The following CYP4F11 variants were observed in gnomAD, a reference collection of about 807,000 sequenced individuals.
CYP4F11 encodes cytochrome P450 family 4 subfamily F member 11, also known as cytochrome P450 4F11.
Under a neutral mutation model 62.2 loss-of-function variants are expected in CYP4F11, and 79 were observed. The ratio of observed to expected loss-of-function variants is 1.27; its 90% CI spans 1.06 to 1.53. The LOEUF (loss-of-function observed/expected upper bound fraction) is 1.53, where lower values mean the gene tolerates loss of function less well. Ranked by LOEUF, CYP4F11 falls within the 40% of genes most tolerant of loss-of-function variation. CYP4F11 has a pLI of 0.00. For synonymous variants in CYP4F11, 290 were observed against 263.7 expected (o/e 1.10, Z -0.97); for missense variants, 777 against 680.5 (o/e 1.14, Z -1.58).
intron 8 of CYP4F11, among the ~76,000 whole-genome samples, chr19:15,919,745 A>G (rs777520028): frequency 7.2e-5 from 11 of 152,196 alleles, no homozygotes; most frequent in Non-Finnish European, 1.6e-4. Flanking sequence ...CTCAGTCTTT[A>G]AAATGAAAAG....
chr19:15,925,082 G>T (rs1016797083), intron 4 of CYP4F11, among the ~76,000 whole-genome samples, 200 bp from the exon 5 acceptor site: 6 of 152,202 alleles, frequency 3.9e-5, no homozygotes, highest in Admixed American at 1.3e-4. Flanking sequence ...GGAGTCGAGA[G>T]ATCTGGGTTC....
At chr19:15,918,460 A>G (rs999653669) in intron 8 of CYP4F11, among the ~76,000 whole-genome samples, 8 of 152,172 alleles carry the variant, frequency 5.3e-5, no homozygotes, top group African/African-American at 1.9e-4. Context: ...AATAATAATA[A>G]TGTAATACTC....
intron 1 of CYP4F11, among the ~76,000 whole-genome samples, chr19:15,932,149 A>AGAATGAGTGAGTGAGGAGAG (rs2089731473): frequency 1.9e-4 from 1 of 5,276 alleles, no homozygotes; most frequent in Non-Finnish European, 3.7e-4. Flanking sequence ...AGTGAGGAGA[A>AGAATGAGTGAGTGAGGAGAG]GAATGAGTGA....
chr19:15,914,658 A>C lies in CYP4F11; in HGVS notation c.1258T>G (p.Cys420Gly). 1 of 1,614,218 alleles carries C rather than the reference A, an allele frequency of 6.2e-7. No individual in the cohort carries two copies. The highest frequency in any genetic ancestry group is 8.5e-7 in the Non-Finnish European group (1 of 1,180,042). Residue 420 changes from cysteine (C) to glycine (G), a missense_variant, in exon 10 of 12, where the codon TGC (cysteine) becomes GGC (glycine). Coordinates refer to ENST00000402119, the MANE Select transcript of CYP4F11 (RefSeq NM_021187.4). ...TGGATCCCGATAATATTGATGAGGC[A>C]GACAATGCCTGTGGGAGAGAAGAGG... ...DGRVIPKGIV[C>G]LINIIGIHYN... is the part of the protein sequence containing the mutation.
rs372827165 is a variant in CYP4F11, at chr19:15,934,192, G to A, written c.198+19C>T. ...CCATGCATCCTGAGACCCCAGACCC[G>A]TCCTGCTGACAAACTCACCAGGCCC... On this transcript the variant is annotated intron_variant, in intron 1 of 11. Transcript: ENST00000402119. 7.3e-5 allele frequency: 117 copies of A among 1,612,596 alleles called. 1 individual carries two copies. Among genetic ancestry groups the A allele is most frequent in the Middle Eastern group, 1.7e-4 (1 of 6,052 alleles).
Position 15,934,246 on chromosome 19 carries a change from G to C in CYP4F11, c.163C>G (p.Pro55Ala), listed in dbSNP as rs764059630. 8.7e-6 allele frequency: 14 copies of C among 1,613,642 alleles called. No individual in the cohort carries two copies. In the Admixed American group the frequency reaches 1.8e-4, roughly 21 times the overall value. The change falls in exon 1 of 12, where the codon CCG (proline) becomes GCG (alanine). Residue 55 changes from proline to alanine, a missense_variant. Transcript: ENST00000402119. The stretch of plus-strand genomic sequence containing the variant: ...TGTCCCCAAAACCAGTTCTGTTTCG[G>C]GGGTTGAGGAAAACACTGGAGGCGG... The part of the protein sequence containing the change: ...CRRLQCFPQP[P>A]KQNWFWGHQG...
chr19:15,927,668 C>T (rs182721296), intron 2 of CYP4F11, 185 bp from the exon 3 acceptor site: 48 of 699,128 alleles, frequency 6.9e-5, no homozygotes, highest in Admixed American at 1.6e-4. Context: ...CAGGCTGCAG[C>T]GACAGAGTAG....
chr19:15,917,555 T>C (rs1555777080), intron 8 of CYP4F11, among the ~76,000 whole-genome samples: 1 of 152,128 alleles, frequency 6.6e-6, no homozygotes, highest in East Asian at 1.9e-4. Flanking sequence ...AAAACCCACA[T>C]CTGGTAAAGG....
chr19:15,922,038 A>AT lies in CYP4F11; in HGVS notation c.1113dup (p.Trp372MetfsTer15). 1 of 1,602,608 alleles carries AT rather than the reference A, an allele frequency of 6.2e-7. No homozygotes were observed. The highest frequency in any genetic ancestry group is 8.5e-7 in the Non-Finnish European group (1 of 1,174,738). The stretch of plus-strand genomic sequence containing the variant: ...GAACAGGCCAGCACCTGCACTCACC[A>AT]TTCAATCTCTATAGGTTCACGGTCC... On this transcript the variant is annotated frameshift_variant and splice_region_variant, in exon 8 of 12. Coordinates refer to ENST00000402119, the MANE Select transcript of CYP4F11 (RefSeq NM_021187.4). LOFTEE classifies it high-confidence loss of function.
At chr19:15,929,386 T>G (rs1173408553) in intron 2 of CYP4F11, 71 bp downstream of exon 2, 1 of 1,600,282 alleles carries the variant, frequency 6.2e-7, no homozygotes, top group African/African-American at 1.3e-5. Flanking sequence ...ACACAGAAGC[T>G]TGGGGAGGGG....
At chr19:15,922,526 C>A in intron 6 of CYP4F11, 96 bp from the exon 7 acceptor site, 1 of 1,337,178 alleles carries the variant, frequency 7.5e-7, no homozygotes, top group African/African-American at 1.4e-5. Flanking sequence ...ATCCATCCTC[C>A]TTCCAGAAAC....
intron 6 of CYP4F11, among the ~76,000 whole-genome samples, chr19:15,922,866 C>A: frequency 6.7e-6 from 1 of 150,364 alleles, no homozygotes; most frequent in East Asian, 1.9e-4. Context: ...CCAGCCTGAC[C>A]AACATGGAGA....
Position 15,914,781 on chromosome 19 carries a change from G to T in CYP4F11, c.1230C>A (p.Asp410Glu), listed in dbSNP as rs150098509. The T allele has an allele frequency of 7.4e-6, 12 of 1,614,052 alleles. No individual in the cohort carries two copies. Among genetic ancestry groups the T allele is most frequent in the Admixed American group, 3.3e-5 (2 of 60,006 alleles). ...RCCTQDFVLP[D>E]GRVIPKGIVC... Reference sequence around the variant, plus strand: ...GAGCACCTTTGGGGATGACGCGGCCGTCTGGGAGCACAAAGTCCTGCGTGC... The same window carrying T: ...GAGCACCTTTGGGGATGACGCGGCCTTCTGGGAGCACAAAGTCCTGCGTGC... The change falls in exon 9 of 12, where the codon GAC becomes GAA. Residue 410 changes from aspartate to glutamate, a missense_variant. By Grantham distance (45) the Asp-to-Glu change is conservative. Transcript: ENST00000402119.
chr19:15,931,034 G>C (rs945587408), intron 1 of CYP4F11, among the ~76,000 whole-genome samples: 1 of 152,184 alleles, frequency 6.6e-6, no homozygotes, highest in Non-Finnish European at 1.5e-5. Context: ...TGGGAGAGCA[G>C]GTCTAAGTCG....
At position 15,927,227 on chromosome 19, in the gene CYP4F11, A is replaced by T; in HGVS notation, c.510T>A (p.Ser170Arg). ...AGGGACTCACGTGCATGATGTTCAC[A>T]CTCTTGTTGAAAATCTTCATATAAG... ...LKPYMKIFNK[S>R]VNIMHDKWQR... The change falls in exon 4 of 12, where the codon AGT becomes AGA. Residue 170 changes from serine to arginine, a missense_variant. Ser to Arg is a moderately radical substitution (Grantham distance 110). Coordinates refer to ENST00000402119, the MANE Select transcript of CYP4F11 (RefSeq NM_021187.4). 6.2e-7 allele frequency: 1 copy of T among 1,613,990 alleles called. No homozygotes were observed.
chr19:15,934,372 G>GC lies in CYP4F11; in HGVS notation c.36dup (p.Pro13AlafsTer31). On this transcript the variant is annotated frameshift_variant, in exon 1 of 12. Transcript: ENST00000402119. LOFTEE classifies it high-confidence loss of function. ...AGCAGCCACGGGGATGCTGCCACGG[G>GC]CCCGAGGCCCAGCCAGGACAGGCTC... is the stretch of plus-strand genomic sequence containing the variant. The GC allele has an allele frequency of 2.5e-6, 4 of 1,613,372 alleles. No individual in the cohort carries two copies. The highest frequency in any genetic ancestry group is 3.4e-6 in the Non-Finnish European group (4 of 1,179,686).
Position 15,912,757 on chromosome 19 carries a change from G to GTGTATATATATA in CYP4F11, c.*974_*975insTATATATATACA, listed in dbSNP as rs1555776601. ...TGTATATGTATATATGTGTGTGTGTGTGTGTGTGTGTGTGTATATATATAT... is the reference window on the plus strand; with the variant it reads ...TGTATATGTATATATGTGTGTGTGTGTGTATATATATATGTGTGTGTGTGTGTATATATATAT... On this transcript the variant is annotated 3_prime_UTR_variant, in exon 12 of 12. Transcript: ENST00000402119. 1.7e-4 allele frequency: 7 copies of GTGTATATATATA among 42,006 alleles called. No homozygotes were observed. Among genetic ancestry groups the GTGTATATATATA allele is most frequent in the African/African-American group, 4.8e-4 (4 of 8,352 alleles). The allele number at this position is 42,006 out of a possible 1,614,324, so 2.6% of individuals were successfully genotyped here. A position where few individuals can be genotyped will look rare whatever the true frequency, so the allele number is the denominator to read the frequency against.
At chr19:15,924,598 A>G (rs1337899909) in intron 5 of CYP4F11, among the ~76,000 whole-genome samples, 163 bp downstream of exon 5, 2 of 151,838 alleles carry the variant, frequency 1.3e-5, no homozygotes, top group Non-Finnish European at 2.9e-5. Context: ...CCACAACCTC[A>G]TGTCTACTGT....
upstream of CYP4F11, chr19:15,934,546 A>C (rs2089762673): frequency 9.7e-7 from 1 of 1,027,362 alleles, no homozygotes; most frequent in Non-Finnish European, 1.4e-6. Flanking sequence ...GGTAAACAAG[A>C]GCTGAGATCT....
Sources: gnomAD v4.1 joint callset for allele counts (sites outside exome capture counted in the v4.1 genomes callset) on GRCh38, gnomAD v4.1.1 for gene constraint, MANE v1.5 for transcripts, NCBI Gene and HGNC (gene_info 2026-07-23, HGNC 2026-07-21) for gene names.